PALMD: variants seen among roughly 807,000 people sequenced by gnomAD.
PALMD encodes the protein paralemmin-like protein.
PALMD carries 42 observed loss-of-function variants against 56.2 expected under a neutral mutation model. The observed-to-expected ratio is 0.75, with a 90% CI of 0.58 to 0.97. PALMD has a LOEUF of 0.97. Among genes scored for constraint, PALMD ranks in the 50% least tolerant of loss-of-function variants. The pLI, the probability that PALMD is intolerant of heterozygous loss-of-function variation, is 0.00. For synonymous variants in PALMD, 242 were observed against 222.9 expected (o/e 1.09, Z -0.76); for missense variants, 660 against 643.8 (o/e 1.03, Z -0.27).
chr1:99,671,768 C>T (rs1444324488), intron 3 of PALMD, among the ~76,000 whole-genome samples: 1 of 152,002 alleles, frequency 6.6e-6, no homozygotes, highest in Non-Finnish European at 1.5e-5. Flanking sequence ...ATTTCATGTA[C>T]ATTATTTCAT....
Position 99,682,736 on chromosome 1 carries a change from G to A in PALMD, c.252-3940G>A, listed in dbSNP as rs576131358. Among the ~76,000 whole-genome samples the A allele has an allele frequency of 2.5e-3, 386 of 151,838 alleles. 1 individual carries two copies. The highest frequency in any genetic ancestry group is 8.3e-3 in the African/African-American group (342 of 41,414). ...CAGGAAGAAACTAGCTGAAGTCATC[G>A]GGCTCATGCCTGTAATCCCAGCACT... is the stretch of plus-strand genomic sequence containing the variant. On this transcript the variant is annotated intron_variant, in intron 3 of 7. Coordinates refer to ENST00000263174, the MANE Select transcript of PALMD (RefSeq NM_017734.5).
At chr1:99,658,303 C>CA (rs144642179) in intron 1 of PALMD, among the ~76,000 whole-genome samples, 5,060 of 105,072 alleles carry the variant, frequency 0.048, 289 homozygotes, top group African/African-American at 0.15. Flanking sequence ...GACTCTGTCT[C>CA]AAAAAAAAAA....
At position 99,689,605 on chromosome 1, in the gene PALMD, G is replaced by C; in HGVS notation, c.1345G>C (p.Asp449His). Reference protein sequence around the residue: ...IIHAELVVIDDEEEEDEGEAE... With the variant: ...IIHAELVVIDHEEEEDEGEAE... The stretch of plus-strand genomic sequence containing the variant: ...CCATGCTGAGCTGGTTGTGATTGAT[G>C]ATGAGGAGGAGGAGGATGAAGGAGA... The change falls in exon 7 of 8, where the codon GAT (aspartate) becomes CAT (histidine). Residue 449 changes from aspartate (D) to histidine (H), a missense_variant. Transcript: ENST00000263174. 6.2e-7 allele frequency: 1 copy of C among 1,613,828 alleles called. No homozygotes were observed. The highest frequency in any genetic ancestry group is 8.5e-7 in the Non-Finnish European group (1 of 1,179,850).
intron 7 of PALMD, among the ~76,000 whole-genome samples, chr1:99,692,274 G>A (rs1310491042): frequency 6.6e-6 from 1 of 152,106 alleles, no homozygotes; most frequent in Non-Finnish European, 1.5e-5. Context: ...CTCAGCTCTG[G>A]GAGTTCATAT....
In PALMD at chr1:99,689,050, A is replaced by G; in HGVS notation, c.790A>G (p.Asn264Asp). ...AGAGTATCATGAGCCTGTATATGCC[A>G]ATCCCTTTTACAGGCCTACAACCCC... ...PTEYHEPVYA[N>D]PFYRPTTPQR... Residue 264 changes from asparagine to aspartate, a missense_variant, in exon 7 of 8, where the codon AAT becomes GAT. Physicochemically the swap from Asn to Asp is conservative, Grantham distance 23. Transcript: ENST00000263174. 2 of 1,613,810 alleles carry G rather than the reference A, an allele frequency of 1.2e-6. No homozygotes were observed. The highest frequency in any genetic ancestry group is 1.7e-6 in the Non-Finnish European group (2 of 1,179,816).
At chr1:99,666,030 C>G (rs1184678119) in intron 2 of PALMD, among the ~76,000 whole-genome samples, 1 of 152,078 alleles carries the variant, frequency 6.6e-6, no homozygotes, top group Non-Finnish European at 1.5e-5. Flanking sequence ...CATGCAGTTG[C>G]TTAAGATTCT....
At chr1:99,686,385 T>C (rs559717753) in intron 3 of PALMD, 15 of 193,644 alleles carry the variant, frequency 7.7e-5, no homozygotes, top group African/African-American at 3.5e-4. Flanking sequence ...TATTTGGAAA[T>C]AACATTAGTA....
At chr1:99,690,056 TAAAG>T (rs1275524099) in intron 7 of PALMD, 184 bp downstream of exon 7, 3 of 517,856 alleles carry the variant, frequency 5.8e-6, no homozygotes, top group South Asian at 3.9e-5. Flanking sequence ...CTTCAAAAGA[TAAAG>T]AAAGTAAAAA....
At chr1:99,655,255 GA>G (rs1652696537) in intron 1 of PALMD, among the ~76,000 whole-genome samples, 1 of 151,874 alleles carries the variant, frequency 6.6e-6, no homozygotes, top group African/African-American at 2.4e-5. Context: ...TTTTTTAAAA[GA>G]AAATATGGAT....
intron 1 of PALMD, among the ~76,000 whole-genome samples, chr1:99,650,278 T>A (rs1234914143): frequency 2.7e-5 from 3 of 109,274 alleles, no homozygotes; most frequent in African/African-American, 3.8e-5. Context: ...CCAAAGCTGC[T>A]CATAATGAAA....
chr1:99,661,591 A>T (rs1169871484), intron 1 of PALMD, among the ~76,000 whole-genome samples: 1 of 152,172 alleles, frequency 6.6e-6, no homozygotes, highest in African/African-American at 2.4e-5. Flanking sequence ...CAGAGCTAGT[A>T]AGTGGAGGAG....
At chr1:99,673,731 T>A (rs746587178) in intron 3 of PALMD, among the ~76,000 whole-genome samples, 10 of 152,064 alleles carry the variant, frequency 6.6e-5, no homozygotes, top group Non-Finnish European at 1.3e-4. Flanking sequence ...AAAAGCCAAG[T>A]AAACCAAACT....
Position 99,646,269 on chromosome 1 carries a change from A to G in PALMD, c.-49A>G, listed in dbSNP as rs1433240957. ...TCTCCCCCAGGAGGCTCCTTGATTT[A>G]TGGTAGCTTTGGACTTGCTTCCCCG... On this transcript the variant is annotated 5_prime_UTR_variant, in exon 1 of 8. It removes an upstream start codon present in the reference 5' UTR. Transcript: ENST00000263174. 3 of 1,523,390 alleles carry G rather than the reference A, an allele frequency of 2.0e-6. No homozygotes were observed. The highest frequency in any genetic ancestry group is 2.7e-6 in the Non-Finnish European group (3 of 1,097,834). 94.4% of individuals were successfully genotyped at this position (1,523,390 alleles called of 1,614,324 possible). A position where few individuals can be genotyped will look rare whatever the true frequency, so the allele number is the denominator to read the frequency against.
Position 99,667,942 on chromosome 1 carries a change from G to T in PALMD, c.251+176G>T, listed in dbSNP as rs188972503. On this transcript the variant is annotated intron_variant, in intron 3 of 7. Transcript: ENST00000263174. ...CACCCAGGCTGGAGTGCAGTGACAT[G>T]ATCTCGGCTCACGGCAACTTCCACT... is the stretch of plus-strand genomic sequence containing the variant. The T allele has an allele frequency of 1.0e-3, 563 of 557,420 alleles. 2 individuals are homozygous for T. Among genetic ancestry groups the T allele is most frequent in the Non-Finnish European group, 1.6e-3 (501 of 319,770 alleles). 34.5% of individuals were successfully genotyped at this position (557,420 alleles called of 1,614,324 possible). A position where few individuals can be genotyped will look rare whatever the true frequency, so the allele number is the denominator to read the frequency against.
At chr1:99,650,831 C>T (rs1309839186) in intron 1 of PALMD, among the ~76,000 whole-genome samples, 2 of 152,092 alleles carry the variant, frequency 1.3e-5, no homozygotes, top group Non-Finnish European at 2.9e-5. Flanking sequence ...ACATATTTTT[C>T]CTTATTCGTT....
At chr1:99,673,790 C>T (rs1441483199) in intron 3 of PALMD, among the ~76,000 whole-genome samples, 1 of 152,154 alleles carries the variant, frequency 6.6e-6, no homozygotes, top group Non-Finnish European at 1.5e-5. Flanking sequence ...CTCCGAAACA[C>T]ACACATACAA....
intron 3 of PALMD, chr1:99,684,998 T>C (rs1653454472): frequency 6.6e-6 from 1 of 152,198 alleles, no homozygotes; most frequent in Admixed American, 6.5e-5. Context: ...TTGTAGACTG[T>C]CTCTAACAGG....
chr1:99,682,947 A>C (rs183004254), intron 3 of PALMD, among the ~76,000 whole-genome samples: 1 of 151,266 alleles, frequency 6.6e-6, no homozygotes, highest in African/African-American at 2.4e-5. Flanking sequence ...CAGAGGTTAC[A>C]GTGAGCCGAG....
At chr1:99,669,714 T>C (rs888326373) in intron 3 of PALMD, 1 of 152,234 alleles carries the variant, frequency 6.6e-6, no homozygotes, top group South Asian at 2.1e-4. Context: ...ACTCTACTGA[T>C]TGCTTTTAGG....
Sources: allele counts gnomAD v4.1 joint callset (sites outside exome capture counted in the v4.1 genomes callset), GRCh38; gene constraint gnomAD v4.1.1; transcripts MANE v1.5; gene names NCBI Gene and HGNC (gene_info 2026-07-23, HGNC 2026-07-21).